BLM: variants seen among roughly 807,000 people sequenced by gnomAD.
The protein encoded by BLM is recQ-like DNA helicase BLM.
In BLM, 95 loss-of-function variants were observed where a neutral mutation model predicts 135.3. The observed-to-expected ratio is 0.70, with a 90% CI of 0.59 to 0.83. The LOEUF is 0.83. Ranked by LOEUF, BLM falls within the 40% of genes least tolerant of loss-of-function variation. BLM has a pLI of 0.00. For synonymous variants in BLM, 520 were observed against 589.2 expected, an observed-to-expected ratio of 0.88 and a Z score of 1.70; for missense variants, 1,518 against 1,663.9, an observed-to-expected ratio of 0.91 and a Z score of 1.53.
At chr15:90,722,892 G>T (rs1209449999) in intron 1 of BLM, among the ~76,000 whole-genome samples, 1 of 152,142 alleles carries the variant, frequency 6.6e-6, no homozygotes, top group Admixed American at 6.6e-5. Context: ...CCATTCTGGA[G>T]TGCAGTGGCG....
At chr15:90,735,236 A>AATATATATATATATATATAT (rs60589046) in intron 1 of BLM, among the ~76,000 whole-genome samples, 52 of 108,186 alleles carry the variant, frequency 4.8e-4, no homozygotes, top group African/African-American at 9.6e-4. Flanking sequence ...TGCCTAAGTT[A>AATATATATATATATATATAT]ATATATATAT....
chr15:90,760,192 A>G lies in BLM; in HGVS notation c.1133A>G (p.His378Arg), dbSNP rs1895933230. 2 of 1,612,800 alleles carry G rather than the reference A, an allele frequency of 1.2e-6. No homozygotes were observed. The highest frequency in any genetic ancestry group is 1.7e-6 in the Non-Finnish European group (2 of 1,178,792). The change falls in exon 6 of 22, where the codon CAC becomes CGC. Residue 378 changes from histidine (H) to arginine (R), a missense_variant. Coordinates refer to ENST00000355112, the MANE Select transcript of BLM (RefSeq NM_000057.4). Reference sequence around the variant, plus strand: ...CAGCAGCTTATTCATGTGATGGAGCACATCTGTAAATTAATTGATACTATT... The same window carrying G: ...CAGCAGCTTATTCATGTGATGGAGCGCATCTGTAAATTAATTGATACTATT... The part of the protein sequence containing the change: ...LQQQLIHVME[H>R]ICKLIDTIPD...
At chr15:90,809,936 A>C (rs1897369355) in intron 20 of BLM, among the ~76,000 whole-genome samples, 1 of 152,200 alleles carries the variant, frequency 6.6e-6, no homozygotes, top group African/African-American at 2.4e-5. Flanking sequence ...TGATAACATC[A>C]CCACGTAATA....
chr15:90,777,399 C>T (rs1408271981), intron 12 of BLM, among the ~76,000 whole-genome samples: 5 of 152,044 alleles, frequency 3.3e-5, no homozygotes, highest in African/African-American at 1.2e-4. Context: ...GTGATCTGCC[C>T]GCCTCGGCCT....
chr15:90,788,496 G>GT (rs1896815208), intron 14 of BLM, among the ~76,000 whole-genome samples: 1 of 62,266 alleles, frequency 1.6e-5, no homozygotes, highest in African/African-American at 6.6e-5. Context: ...TTTTTTTTTG[G>GT]TTTTTTGTTC....
chr15:90,774,605 G>A (rs898783130), intron 12 of BLM, among the ~76,000 whole-genome samples: 8 of 151,780 alleles, frequency 5.3e-5, no homozygotes, highest in Non-Finnish European at 7.4e-5. Flanking sequence ...TGGCCGAGGC[G>A]GGTGGATCAC....
intron 16 of BLM, among the ~76,000 whole-genome samples, chr15:90,795,968 G>T (rs1267660571): frequency 6.6e-6 from 1 of 152,302 alleles, no homozygotes; most frequent in East Asian, 1.9e-4. Flanking sequence ...CCTGCAAGAA[G>T]CTTTGGCTAG....
At chr15:90,732,710 A>G (rs1162619621) in intron 1 of BLM, among the ~76,000 whole-genome samples, 2 of 152,172 alleles carry the variant, frequency 1.3e-5, no homozygotes, top group Non-Finnish European at 2.9e-5. Context: ...AGGAAAAGAA[A>G]AACAAGTAAA....
At chr15:90,733,744 A>G (rs1879334327) in intron 1 of BLM, among the ~76,000 whole-genome samples, 1 of 152,168 alleles carries the variant, frequency 6.6e-6, no homozygotes, top group Non-Finnish European at 1.5e-5. Flanking sequence ...CAGTTAATGA[A>G]CATATCCATC....
intron 14 of BLM, among the ~76,000 whole-genome samples, chr15:90,787,275 G>C (rs1427093402): frequency 6.6e-6 from 1 of 151,532 alleles, no homozygotes; most frequent in Non-Finnish European, 1.5e-5. Flanking sequence ...GGAGGGTCTC[G>C]ATCTCCTGAC....
chr15:90,735,736 GT>G (rs1156390646), intron 1 of BLM, among the ~76,000 whole-genome samples: 2 of 152,016 alleles, frequency 1.3e-5, no homozygotes, highest in Non-Finnish European at 2.9e-5. Context: ...ACATAGATGA[GT>G]TTTCTGTAAC....
intron 14 of BLM, among the ~76,000 whole-genome samples, chr15:90,785,549 T>A (rs982726801): frequency 6.6e-6 from 1 of 151,180 alleles, no homozygotes; most frequent in Non-Finnish European, 1.5e-5. Flanking sequence ...TTTCTTTTTT[T>A]TTTTTTTTTC....
rs138716443 is a variant in BLM at position 90,737,663 on chromosome 15, T to C, written c.-4-9726T>C. Among the ~76,000 whole-genome samples, 132 of 152,240 alleles carry C rather than the reference T, an allele frequency of 8.7e-4. 1 individual carries two copies. The highest frequency in any genetic ancestry group is 3.0e-3 in the African/African-American group (126 of 41,548). Reference sequence around the variant, plus strand: ...ACACAACATGCCAAAACTCATGGAATACAGTGAAAGCAGTACTAGAAAGGA... The same window carrying C: ...ACACAACATGCCAAAACTCATGGAACACAGTGAAAGCAGTACTAGAAAGGA... On this transcript the variant is annotated intron_variant, in intron 1 of 21. Coordinates refer to ENST00000355112, the MANE Select transcript of BLM (RefSeq NM_000057.4).
At chr15:90,724,576 C>A (rs1236254675) in intron 1 of BLM, among the ~76,000 whole-genome samples, 1 of 152,158 alleles carries the variant, frequency 6.6e-6, no homozygotes, top group Non-Finnish European at 1.5e-5. Context: ...TCCAGACCCC[C>A]CACTTCAGAC....
Position 90,745,565 on chromosome 15 carries a change from A to G in BLM, c.-4-1824A>G, listed in dbSNP as rs575145953. 7.2e-5 allele frequency among the ~76,000 whole-genome samples: 11 copies of G among 152,030 alleles called. No homozygotes were observed. The South Asian group carries it at 2.3e-3, about 32-fold the overall frequency. On this transcript the variant is annotated intron_variant, in intron 1 of 21. Coordinates refer to ENST00000355112, the MANE Select transcript of BLM (RefSeq NM_000057.4). ...GCAGGGACCACAGGCCCGCACCACCATGCCAGGCTAATTTTTTTATAGTTC... is the reference window on the plus strand; with the variant it reads ...GCAGGGACCACAGGCCCGCACCACCGTGCCAGGCTAATTTTTTTATAGTTC...
At chr15:90,759,437 G>A (rs2151156171) in intron 5 of BLM, among the ~76,000 whole-genome samples, 1 of 151,470 alleles carries the variant, frequency 6.6e-6, no homozygotes, top group South Asian at 2.1e-4. Flanking sequence ...AGAAGAAGAT[G>A]TGTTGTGTTG....
chr15:90,777,683 G>A (rs777225768), intron 12 of BLM, among the ~76,000 whole-genome samples: 30 of 152,186 alleles, frequency 2.0e-4, no homozygotes, highest in Non-Finnish European at 1.8e-4. Flanking sequence ...TTATTAAAAT[G>A]TAATTCACAC....
chr15:90,801,476 A>G (rs1054808229), intron 17 of BLM, among the ~76,000 whole-genome samples: 10 of 152,216 alleles, frequency 6.6e-5, no homozygotes, highest in African/African-American at 2.4e-4. Context: ...CAGAAGTTCT[A>G]TTGAAAGTTA....
At chr15:90,747,865 T>C (rs577899322) in intron 2 of BLM, among the ~76,000 whole-genome samples, 1 of 152,288 alleles carries the variant, frequency 6.6e-6, no homozygotes, top group East Asian at 1.9e-4. Flanking sequence ...TGGAGTGCAG[T>C]GGCGCGATCT....
Sources: gnomAD v4.1 joint callset for allele counts (sites outside exome capture counted in the v4.1 genomes callset) on GRCh38, gnomAD v4.1.1 for gene constraint, MANE v1.5 for transcripts, NCBI Gene and HGNC (gene_info 2026-07-23, HGNC 2026-07-21) for gene names.